The following ADARB2 variants were observed in gnomAD, a reference collection of about 807,000 sequenced individuals.
The protein encoded by ADARB2 is adenosine deaminase RNA specific B2 (inactive).
In ADARB2, 25 loss-of-function variants were observed where a neutral mutation model predicts 62.2. The observed-to-expected ratio is 0.40, with a 90% CI of 0.29 to 0.56. ADARB2 has a LOEUF of 0.56. Among genes scored for constraint, ADARB2 ranks in the 20% least tolerant of loss-of-function variants. The probability of loss-of-function intolerance (pLI) is 0.43; values close to 1 mark genes in which losing one functional copy is unlikely to be tolerated. For synonymous variants in ADARB2, 572 were observed against 500.8 expected, an observed-to-expected ratio of 1.14 and a Z score of -1.90; for missense variants, 1,071 against 1,077.4, an observed-to-expected ratio of 0.99 and a Z score of 0.08.
chr10:1,428,292 A>ATT (rs55975325), intron 1 of ADARB2, among the ~76,000 whole-genome samples: 83 of 128,238 alleles, frequency 6.5e-4, no homozygotes, highest in African/African-American at 2.1e-3. Context: ...TTTTATGCCT[A>ATT]TTTTTTTTTT....
At chr10:1,603,585 A>C (rs1280019395) in intron 1 of ADARB2, among the ~76,000 whole-genome samples, 1 of 151,822 alleles carries the variant, frequency 6.6e-6, no homozygotes, top group Non-Finnish European at 1.5e-5. Context: ...GCCCAGTGCC[A>C]TGGAGGTTCT....
chr10:1,686,165 A>G (rs764134632), intron 1 of ADARB2, among the ~76,000 whole-genome samples: 6 of 152,246 alleles, frequency 3.9e-5, no homozygotes, highest in Non-Finnish European at 8.8e-5. Flanking sequence ...AAACCCATGG[A>G]GGCTGGTTAG....
chr10:1,527,999 A>G (rs1832170952), intron 1 of ADARB2, among the ~76,000 whole-genome samples: 1 of 152,232 alleles, frequency 6.6e-6, no homozygotes. Flanking sequence ...CCAGGCTGAT[A>G]TATCTGTGCA....
chr10:1,552,064 C>T (rs1041985483), intron 1 of ADARB2, among the ~76,000 whole-genome samples: 9 of 152,152 alleles, frequency 5.9e-5, no homozygotes, highest in African/African-American at 9.7e-5. Context: ...CCTCCTCCCT[C>T]GCAGCCGATC....
At chr10:1,200,606 A>ATTAATTAATTAATTAATTAAT (rs1564218104) in intron 7 of ADARB2, among the ~76,000 whole-genome samples, 33 of 152,214 alleles carry the variant, frequency 2.2e-4, no homozygotes, top group African/African-American at 7.7e-4. Context: ...AATTACATTA[A>ATTAATTAATTAATTAATTAAT]CAAATGACCT....
Position 1,377,640 on chromosome 10 carries a change from G to T in ADARB2, c.187+1434C>A, listed in dbSNP as rs531154260. 2.6e-5 allele frequency among the ~76,000 whole-genome samples: 4 copies of T among 152,126 alleles called. No homozygotes were observed. In the East Asian group the frequency reaches 7.7e-4, roughly 29 times the overall value. ...CTCATCTGGAAATTTTCCAGTTTGG[G>T]TCACCAGAGAACAGAAGCAACCTGT... is the stretch of plus-strand genomic sequence containing the variant. On this transcript the variant is annotated intron_variant, in intron 2 of 9. Transcript: ENST00000381312.
intron 1 of ADARB2, among the ~76,000 whole-genome samples, chr10:1,548,911 G>C (rs1028190320): frequency 2.0e-5 from 3 of 152,206 alleles, no homozygotes; most frequent in African/African-American, 7.2e-5. Flanking sequence ...GGCCGAGGCA[G>C]GCCTGGCAGG....
intron 1 of ADARB2, among the ~76,000 whole-genome samples, chr10:1,734,298 T>G (rs1357197353): frequency 1.5e-5 from 1 of 67,106 alleles, no homozygotes; most frequent in Non-Finnish European, 2.7e-5. Context: ...ACGAAGGTGT[T>G]TTTTTTTTTT....
chr10:1,692,977 T>G (rs1480108512), intron 1 of ADARB2, among the ~76,000 whole-genome samples: 3 of 152,208 alleles, frequency 2.0e-5, no homozygotes, highest in African/African-American at 7.2e-5. Context: ...TAACCTATAC[T>G]GGACCTCCCC....
chr10:1,457,426 T>G (rs926428010), intron 1 of ADARB2, among the ~76,000 whole-genome samples: 1 of 152,140 alleles, frequency 6.6e-6, no homozygotes, highest in African/African-American at 2.4e-5. Flanking sequence ...GGGGCCAGGC[T>G]TCTCCCAGCT....
At chr10:1,235,086 G>C (rs1040794055) in intron 5 of ADARB2, among the ~76,000 whole-genome samples, 1 of 152,002 alleles carries the variant, frequency 6.6e-6, no homozygotes, top group Non-Finnish European at 1.5e-5. Flanking sequence ...TCCCACTGCT[G>C]TTCGCCCACA....
intron 6 of ADARB2, among the ~76,000 whole-genome samples, chr10:1,230,887 T>A (rs1450571644): frequency 1.2e-4 from 18 of 152,158 alleles, no homozygotes. Flanking sequence ...AATGCTTTAT[T>A]TTTTCTCCTA....
intron 6 of ADARB2, among the ~76,000 whole-genome samples, chr10:1,226,548 C>T (rs1457202833): frequency 6.6e-6 from 1 of 152,158 alleles, no homozygotes; most frequent in Non-Finnish European, 1.5e-5. Flanking sequence ...CTTTTATCTA[C>T]CTTTGGTCTT....
At chr10:1,605,120 C>T (rs35886979) in intron 1 of ADARB2, among the ~76,000 whole-genome samples, 35,082 of 152,122 alleles carry the variant, frequency 0.23, 4,443 homozygotes, top group Non-Finnish European at 0.28. Flanking sequence ...AAAGCCAGAC[C>T]GAAAAAGCTG....
chr10:1,692,220 C>T (rs1302317540), intron 1 of ADARB2, among the ~76,000 whole-genome samples: 1 of 152,228 alleles, frequency 6.6e-6, no homozygotes, highest in Non-Finnish European at 1.5e-5. Flanking sequence ...ATTTAAAATT[C>T]TCAGTAGAGC....
At chr10:1,609,683 T>G (rs1342226052) in intron 1 of ADARB2, among the ~76,000 whole-genome samples, 1 of 152,218 alleles carries the variant, frequency 6.6e-6, no homozygotes, top group African/African-American at 2.4e-5. Context: ...ACGCTTCCCT[T>G]GGGGACACTC....
chr10:1,412,565 G>A (rs375620911), intron 1 of ADARB2, among the ~76,000 whole-genome samples: 2 of 152,016 alleles, frequency 1.3e-5, no homozygotes, highest in Non-Finnish European at 2.9e-5. Flanking sequence ...TTGAGCCAAC[G>A]CATAAAGCAC....
chr10:1,728,268 A>G (rs1835191402), intron 1 of ADARB2, among the ~76,000 whole-genome samples: 1 of 152,226 alleles, frequency 6.6e-6, no homozygotes, highest in African/African-American at 2.4e-5. Context: ...AATTTTTACA[A>G]TTAAGCAATT....
At chr10:1,513,634 AG>A (rs1831966613) in intron 1 of ADARB2, among the ~76,000 whole-genome samples, 2 of 152,164 alleles carry the variant, frequency 1.3e-5, no homozygotes, top group South Asian at 4.1e-4. Flanking sequence ...AGCCCTGAGG[AG>A]AGGGGCAGGG....
Sources: gnomAD v4.1 joint callset for allele counts (sites outside exome capture counted in the v4.1 genomes callset) on GRCh38, gnomAD v4.1.1 for gene constraint, MANE v1.5 for transcripts, NCBI Gene and HGNC (gene_info 2026-07-23, HGNC 2026-07-21) for gene names.